USP15: variants seen among roughly 807,000 people sequenced by gnomAD.
The protein encoded by USP15 is ubiquitin specific peptidase 15.
Under a neutral mutation model 127.1 loss-of-function variants are expected in USP15, and 18 were observed. That is an observed-to-expected ratio of 0.14 (90% CI 0.10 to 0.21). The LOEUF (loss-of-function observed/expected upper bound fraction) is 0.21. Among genes scored for constraint, USP15 ranks in the 10% least tolerant of loss-of-function variants. The pLI is 1.00. For missense variants in USP15, 805 were observed against 1,159.9 expected (o/e 0.69, Z 4.44); for synonymous variants, 364 against 393.7 (o/e 0.92, Z 0.89).
intron 7 of USP15, among the ~76,000 whole-genome samples, chr12:62,351,769 G>A (rs920746930): frequency 6.6e-6 from 1 of 151,696 alleles, no homozygotes; most frequent in Non-Finnish European, 1.5e-5. Flanking sequence ...TTTTAATAGC[G>A]AATAGTCACT....
intron 20 of USP15, among the ~76,000 whole-genome samples, chr12:62,399,045 T>C (rs1308265627): frequency 6.6e-6 from 1 of 152,234 alleles, no homozygotes; most frequent in East Asian, 1.9e-4. Context: ...CTAGCTTTCT[T>C]TTTGGTATCA....
intron 8 of USP15, among the ~76,000 whole-genome samples, chr12:62,372,286 A>G (rs928527111): frequency 6.6e-6 from 1 of 152,116 alleles, no homozygotes; most frequent in South Asian, 2.1e-4. Flanking sequence ...GGTCCTGCAA[A>G]TGCAGTCGAT....
intron 7 of USP15, among the ~76,000 whole-genome samples, chr12:62,351,539 T>C (rs978631146): frequency 6.6e-6 from 1 of 151,992 alleles, no homozygotes; most frequent in Non-Finnish European, 1.5e-5. Flanking sequence ...AGAATTACCA[T>C]ATTGGTATGA....
At chr12:62,265,414 C>T (rs1487567513) in intron 1 of USP15, among the ~76,000 whole-genome samples, 1 of 152,142 alleles carries the variant, frequency 6.6e-6, no homozygotes, top group Non-Finnish European at 1.5e-5. Context: ...CGGTGTTATT[C>T]ACATTTGACA....
chr12:62,403,184 G>A (rs2067748573), intron 21 of USP15, among the ~76,000 whole-genome samples: 2 of 151,954 alleles, frequency 1.3e-5, no homozygotes. Flanking sequence ...ACTGATTTAG[G>A]TTATACATTT....
chr12:62,407,103 AATG>A lies in USP15; in HGVS notation c.*2734_*2736del, dbSNP rs1165760487. On this transcript the variant is annotated 3_prime_UTR_variant, in exon 22 of 22. Transcript: ENST00000280377. ...GATAGTGTTTCTTTACCTGTAGAAT[AATG>A]ATGATAATAGCCAGCATTTATTGAG... 59 of 152,234 alleles carry A rather than the reference AATG, an allele frequency of 3.9e-4. 1 individual carries two copies. Among genetic ancestry groups the A allele is most frequent in the Non-Finnish European group, 5.9e-5 (4 of 68,036 alleles). The allele number at this position is 152,234 out of a possible 1,614,324, so 9.4% of individuals were successfully genotyped here.
chr12:62,398,534 C>T (rs1055764303), intron 20 of USP15, among the ~76,000 whole-genome samples: 1 of 152,076 alleles, frequency 6.6e-6, no homozygotes, highest in Non-Finnish European at 1.5e-5. Flanking sequence ...TTTTAATTTC[C>T]TTTATGATTT....
intron 4 of USP15, among the ~76,000 whole-genome samples, chr12:62,319,497 A>G (rs186766397): frequency 3.3e-5 from 5 of 152,280 alleles, no homozygotes. Context: ...TAAAATATAA[A>G]TACTTTGATA....
chr12:62,327,915 T>C (rs1592596319), intron 6 of USP15: 1 of 226,704 alleles, frequency 4.4e-6, no homozygotes, highest in Non-Finnish European at 9.0e-6. Context: ...AGAAATACTA[T>C]GCAGTAATAT....
At chr12:62,361,446 G>A (rs76455996) in intron 8 of USP15, among the ~76,000 whole-genome samples, 3,349 of 152,060 alleles carry the variant, frequency 0.022, 126 homozygotes, top group African/African-American at 0.075. Context: ...CTTTTAAAGA[G>A]TTGTAAATTA....
intron 21 of USP15, 59 bp downstream of exon 21, chr12:62,401,334 T>G: frequency 1.5e-6 from 2 of 1,345,208 alleles, no homozygotes; most frequent in Non-Finnish European, 2.1e-6. Flanking sequence ...GGAGTGAATA[T>G]AAATTAATAA....
In USP15 at chr12:62,370,522, C is replaced by T. The variant is rs1229618196; in HGVS notation, c.916-10968C>T. Reference sequence around the variant, plus strand: ...TTGTGTGACCTTGGATAAGAAACTTCGTAGTTTCTTCATCTGTGAAATGAA... The same window carrying T: ...TTGTGTGACCTTGGATAAGAAACTTTGTAGTTTCTTCATCTGTGAAATGAA... On this transcript the variant is annotated intron_variant, in intron 8 of 21. Transcript: ENST00000280377. Among the ~76,000 whole-genome samples the T allele has an allele frequency of 3.3e-5, 5 of 152,132 alleles. 1 individual carries two copies. The highest frequency in any genetic ancestry group is 4.1e-4 in the South Asian group (2 of 4,828).
rs938059060 is a variant in USP15 at position 62,405,452 on chromosome 12, T to C, written c.*1077T>C. 7.9e-5 allele frequency: 12 copies of C among 152,590 alleles called. No homozygotes were observed. The highest frequency in any genetic ancestry group is 2.9e-4 in the African/African-American group (12 of 41,464). The allele number at this position is 152,590 out of a possible 1,614,324, so 9.5% of individuals were successfully genotyped here. On this transcript the variant is annotated 3_prime_UTR_variant, in exon 22 of 22. Coordinates refer to ENST00000280377, the MANE Select transcript of USP15 (RefSeq NM_001252078.2). ...AGAAGGTAACTTGTTATAAGAGAAATGGCATTTGCATGTTCCAGAGTCAGA... is the reference window on the plus strand; with the variant it reads ...AGAAGGTAACTTGTTATAAGAGAAACGGCATTTGCATGTTCCAGAGTCAGA...
intron 1 of USP15, among the ~76,000 whole-genome samples, chr12:62,280,334 A>T (rs1028299974): frequency 6.6e-6 from 1 of 152,154 alleles, no homozygotes; most frequent in Non-Finnish European, 1.5e-5. Flanking sequence ...AGATATGTGA[A>T]AGATTATAGT....
intron 5 of USP15, among the ~76,000 whole-genome samples, chr12:62,323,587 C>T (rs1396725327): frequency 1.3e-5 from 2 of 152,108 alleles, no homozygotes; most frequent in African/African-American, 4.8e-5. Context: ...CTTGGAAATC[C>T]ACTGATTAGC....
rs897064363 is a variant in USP15 at position 62,406,311 on chromosome 12, C to T, written c.*1936C>T. 2 of 152,080 alleles carry T rather than the reference C, an allele frequency of 1.3e-5. No individual in the cohort carries two copies. Among genetic ancestry groups the T allele is most frequent in the African/African-American group, 4.8e-5 (2 of 41,400 alleles). The allele number at this position is 152,080 out of a possible 1,614,324, so 9.4% of individuals were successfully genotyped here. ...TCCACTTTAATATTTATTCATTAAACATATGTTTGTGTACCAATCACTGTT... is the reference window on the plus strand; with the variant it reads ...TCCACTTTAATATTTATTCATTAAATATATGTTTGTGTACCAATCACTGTT... On this transcript the variant is annotated 3_prime_UTR_variant, in exon 22 of 22. Transcript: ENST00000280377.
chr12:62,346,285 T>C (rs943848980), intron 6 of USP15, among the ~76,000 whole-genome samples: 1 of 152,218 alleles, frequency 6.6e-6, no homozygotes, highest in Non-Finnish European at 1.5e-5. Flanking sequence ...AATGTGGATA[T>C]TCTCAAGTGA....
intron 8 of USP15, among the ~76,000 whole-genome samples, chr12:62,358,410 A>C (rs1182608334): frequency 6.6e-6 from 1 of 152,132 alleles, no homozygotes; most frequent in Non-Finnish European, 1.5e-5. Flanking sequence ...ATAGCACAGT[A>C]AAAAATAACA....
At chr12:62,383,752 A>G in intron 9 of USP15, 88 bp from the exon 10 acceptor site, 1 of 1,362,090 alleles carries the variant, frequency 7.3e-7, no homozygotes, top group Admixed American at 2.4e-5. Flanking sequence ...CAAATGTGGA[A>G]TCCATGAATA....
Sources: allele counts gnomAD v4.1 joint callset (sites outside exome capture counted in the v4.1 genomes callset), GRCh38; gene constraint gnomAD v4.1.1; transcripts MANE v1.5; gene names NCBI Gene and HGNC (gene_info 2026-07-23, HGNC 2026-07-21).